The following LRRC69 variants were observed in gnomAD, a reference collection of about 807,000 sequenced individuals.
LRRC69 encodes the protein leucine rich repeat containing 69.
Under a neutral mutation model 37.8 loss-of-function variants are expected in LRRC69, and 42 were observed. The observed-to-expected ratio is 1.11, with a 90% CI of 0.87 to 1.44. The LOEUF (loss-of-function observed/expected upper bound fraction) is 1.44. LRRC69 is among the 40% of genes most tolerant of loss of function. The pLI is 0.00. For missense variants in LRRC69, 357 were observed against 401.9 expected (o/e 0.89, Z 0.96); for synonymous variants, 141 against 143.1 (o/e 0.99, Z 0.11).
chr8:91,116,495 A>G (rs1293481507), intron 1 of LRRC69, among the ~76,000 whole-genome samples: 3 of 151,368 alleles, frequency 2.0e-5, no homozygotes, highest in Non-Finnish European at 4.4e-5. Flanking sequence ...ATTCCATTTC[A>G]TTTTGTGAGC....
At chr8:91,197,451 G>T (rs896190537) in intron 6 of LRRC69, among the ~76,000 whole-genome samples, 1 of 152,002 alleles carries the variant, frequency 6.6e-6, no homozygotes, top group Non-Finnish European at 1.5e-5. Flanking sequence ...CCTCGCTGCC[G>T]CCTCGCAGTT....
intron 3 of LRRC69, among the ~76,000 whole-genome samples, chr8:91,132,841 A>G (rs1359062943): frequency 6.6e-6 from 1 of 152,002 alleles, no homozygotes; most frequent in Admixed American, 6.6e-5. Context: ...AAGAAAGGAA[A>G]TATAATTTTC....
intron 5 of LRRC69, chr8:91,158,274 G>A (rs1394977616): frequency 8.5e-6 from 13 of 1,533,058 alleles, no homozygotes; most frequent in Admixed American, 1.7e-5. Context: ...ATTGTTTGTC[G>A]AAGACATTAC....
chr8:91,193,812 C>T (rs1231076686), intron 6 of LRRC69, among the ~76,000 whole-genome samples: 2 of 139,712 alleles, frequency 1.4e-5, no homozygotes, highest in Non-Finnish European at 3.1e-5. Flanking sequence ...AATTTGACTT[C>T]CTCTTTTCCT....
intron 1 of LRRC69, among the ~76,000 whole-genome samples, chr8:91,113,961 G>A (rs559920473): frequency 9.4e-4 from 90 of 95,406 alleles, no homozygotes; most frequent in Admixed American, 4.4e-3. Context: ...ACAACATTGC[G>A]AGACTTGTCT....
intron 5 of LRRC69, chr8:91,157,506 C>T: frequency 6.4e-7 from 1 of 1,557,828 alleles, no homozygotes; most frequent in Non-Finnish European, 8.8e-7. Context: ...AAGATGTAGA[C>T]AAGGAGTTCT....
intron 7 of LRRC69, among the ~76,000 whole-genome samples, chr8:91,211,552 A>G (rs1809919606): frequency 6.7e-6 from 1 of 149,746 alleles, no homozygotes; most frequent in East Asian, 1.9e-4. Flanking sequence ...AATTGCTTTT[A>G]TATATCTCTA....
chr8:91,113,168 T>C (rs1159460754), intron 1 of LRRC69, among the ~76,000 whole-genome samples: 2 of 151,988 alleles, frequency 1.3e-5, no homozygotes, highest in African/African-American at 2.4e-5. Context: ...TCAATGCAAT[T>C]CCTATCAAAA....
chr8:91,160,752 C>G (rs973174914), intron 5 of LRRC69, among the ~76,000 whole-genome samples: 1 of 151,222 alleles, frequency 6.6e-6, no homozygotes, highest in Admixed American at 6.6e-5. Flanking sequence ...TCATAAACTA[C>G]CCAGTCTCAG....
chr8:91,195,851 G>T (rs1809588510), intron 6 of LRRC69, among the ~76,000 whole-genome samples: 1 of 151,514 alleles, frequency 6.6e-6, no homozygotes, highest in African/African-American at 2.4e-5. Flanking sequence ...TACATTTAAA[G>T]TTAATATTGT....
At chr8:91,115,841 T>C (rs1813501867) in intron 1 of LRRC69, among the ~76,000 whole-genome samples, 1 of 151,884 alleles carries the variant, frequency 6.6e-6, no homozygotes, top group African/African-American at 2.4e-5. Flanking sequence ...TCCTTGGCAC[T>C]TCCAGCAAGG....
intron 5 of LRRC69, among the ~76,000 whole-genome samples, chr8:91,141,256 A>G (rs1181778678): frequency 1.3e-5 from 2 of 152,080 alleles, no homozygotes; most frequent in East Asian, 3.9e-4. Context: ...ATAGCAAAAT[A>G]TCACAAACTG....
intron 7 of LRRC69, among the ~76,000 whole-genome samples, chr8:91,204,587 G>T (rs1446240188): frequency 6.6e-6 from 1 of 152,212 alleles, no homozygotes; most frequent in Non-Finnish European, 1.5e-5. Context: ...AAAGGCTCCT[G>T]CATACAAGTA....
chr8:91,177,924 C>T (rs1232198954), intron 5 of LRRC69, among the ~76,000 whole-genome samples: 3 of 149,318 alleles, frequency 2.0e-5, no homozygotes, highest in Non-Finnish European at 4.4e-5. Context: ...TCTCGGCTCA[C>T]GGTACGCTCC....
intron 1 of LRRC69, among the ~76,000 whole-genome samples, chr8:91,113,144 A>C (rs1813437819): frequency 6.6e-6 from 1 of 152,040 alleles, no homozygotes; most frequent in African/African-American, 2.4e-5. Flanking sequence ...TATTACTGGA[A>C]GTGATCTACA....
intron 5 of LRRC69, among the ~76,000 whole-genome samples, chr8:91,139,427 A>G (rs1808492237): frequency 6.6e-6 from 1 of 151,820 alleles, no homozygotes; most frequent in Non-Finnish European, 1.5e-5. Context: ...CTGCAGTCCC[A>G]GCTACTCCCA....
chr8:91,194,484 T>C (rs1809559054), intron 6 of LRRC69, among the ~76,000 whole-genome samples: 1 of 152,046 alleles, frequency 6.6e-6, no homozygotes, highest in South Asian at 2.1e-4. Context: ...TCCTGGACTC[T>C]TTTTGGTTAG....
chr8:91,115,948 A>T (rs966832567), intron 1 of LRRC69, among the ~76,000 whole-genome samples: 5 of 152,048 alleles, frequency 3.3e-5, no homozygotes, highest in African/African-American at 1.2e-4. Context: ...TAAGCCTAAC[A>T]TACATGTCTC....
intron 5 of LRRC69, among the ~76,000 whole-genome samples, chr8:91,185,540 A>T (rs1013293406): frequency 2.6e-5 from 4 of 151,434 alleles, no homozygotes; most frequent in Non-Finnish European, 4.4e-5. Context: ...CCTCCCTTTC[A>T]TGCAGGGTGT....
Sources: gnomAD v4.1 joint callset for allele counts (sites outside exome capture counted in the v4.1 genomes callset) on GRCh38, gnomAD v4.1.1 for gene constraint, MANE v1.5 for transcripts, NCBI Gene and HGNC (gene_info 2026-07-23, HGNC 2026-07-21) for gene names.